Variants in ERAP2 observed in about 807,000 individuals in gnomAD.
The protein encoded by ERAP2 is leukocyte-derived arginine aminopeptidase.
ERAP2 carries 118 observed loss-of-function variants against 111.1 expected under a neutral mutation model. The observed-to-expected ratio is 1.06, with a 90% CI of 0.92 to 1.24. ERAP2 has a LOEUF of 1.24. Ranked by LOEUF, ERAP2 falls within the 50% of genes most tolerant of loss-of-function variation. The pLI is 0.00. For missense variants in ERAP2, 1,131 were observed against 1,125.8 expected, an observed-to-expected ratio of 1.00 and a Z score of -0.07; for synonymous variants, 410 against 401.2, an observed-to-expected ratio of 1.02 and a Z score of -0.26.
intron 16 of ERAP2, 121 bp downstream of exon 16, chr5:96,912,919 T>C: frequency 1.3e-6 from 1 of 746,436 alleles, no homozygotes; most frequent in Non-Finnish European, 2.1e-6. Context: ...GTGTATGGCT[T>C]TAACTTTACT....
Position 96,884,667 on chromosome 5 carries a change from C to G in ERAP2, c.714+737C>G, listed in dbSNP as rs191146628. Among the ~76,000 whole-genome samples the G allele has an allele frequency of 2.6e-4, 39 of 152,206 alleles. No individual in the cohort carries two copies. The East Asian group carries it at 6.8e-3, about 26-fold the overall frequency. On this transcript the variant is annotated intron_variant, in intron 3 of 18. Coordinates refer to ENST00000437043, the MANE Select transcript of ERAP2 (RefSeq NM_022350.5). ...CAGCCTCCTGGGTTCAAGCAATTCT[C>G]CTCCCTCAGCCTCCCAAGTAGCTGG...
Position 96,911,858 on chromosome 5 carries a change from C to A in ERAP2, c.2355-779C>A, listed in dbSNP as rs528444268. Reference sequence around the variant, plus strand: ...CTCCAACCTGAACAACAGAGTAAGACCCTGTCTCAAAAAAAAAAAAAAAGA... The same window carrying A: ...CTCCAACCTGAACAACAGAGTAAGAACCTGTCTCAAAAAAAAAAAAAAAGA... On this transcript the variant is annotated intron_variant, in intron 15 of 18. Transcript: ENST00000437043. Among the ~76,000 whole-genome samples, 3 of 44,114 alleles carry A rather than the reference C, an allele frequency of 6.8e-5. No individual in the cohort carries two copies. In the East Asian group the frequency reaches 2.2e-3, roughly 32 times the overall value. The allele number at this position is 44,114 out of a possible 152,430, so 28.9% of individuals were successfully genotyped here. A position where few individuals can be genotyped will look rare whatever the true frequency, so the allele number is the denominator to read the frequency against.
At chr5:96,884,627 G>A (rs569716943) in intron 3 of ERAP2, among the ~76,000 whole-genome samples, 3 of 152,128 alleles carry the variant, frequency 2.0e-5, no homozygotes, top group East Asian at 1.9e-4. Context: ...GCGTGATCTC[G>A]GTTCACTACA....
At position 96,918,704 on chromosome 5, in the gene ERAP2, C is replaced by T. The variant is rs148644663; in HGVS notation, c.*1099C>T. The T allele has an allele frequency of 4.2e-4, 64 of 152,248 alleles. No homozygotes were observed. Among genetic ancestry groups the T allele is most frequent in the African/African-American group, 1.3e-3 (52 of 41,546 alleles). 9.4% of individuals were successfully genotyped at this position (152,248 alleles called of 1,614,324 possible). A position where few individuals can be genotyped will look rare whatever the true frequency, so the allele number is the denominator to read the frequency against. ...CCAAATGAAGTCGAATCTGCCCTCACAGAGACACAAGAAAGGAATATAATT... is the reference window on the plus strand; with the variant it reads ...CCAAATGAAGTCGAATCTGCCCTCATAGAGACACAAGAAAGGAATATAATT... On this transcript the variant is annotated 3_prime_UTR_variant, in exon 19 of 19. Transcript: ENST00000437043.
At chr5:96,902,827 G>C (rs922372005) in intron 12 of ERAP2, 2 of 155,066 alleles carry the variant, frequency 1.3e-5, no homozygotes, top group African/African-American at 4.8e-5. Flanking sequence ...CAGAGTTGTT[G>C]AGAGAATATT....
chr5:96,884,291 A>G (rs1206129529), intron 3 of ERAP2, among the ~76,000 whole-genome samples: 1 of 152,202 alleles, frequency 6.6e-6, no homozygotes, highest in East Asian at 1.9e-4. Context: ...ATGGTCTGAG[A>G]ATCTTGCTAA....
intron 2 of ERAP2, among the ~76,000 whole-genome samples, chr5:96,882,843 TC>T (rs1215865758): frequency 6.6e-6 from 1 of 152,210 alleles, no homozygotes; most frequent in Non-Finnish European, 1.5e-5. Flanking sequence ...TGACAGCTTC[TC>T]TTTTTTCCCT....
rs964548900 is a variant in ERAP2, at chr5:96,880,177, G to A, written c.492G>A (p.Val164=). 6.2e-7 allele frequency: 1 copy of A among 1,613,950 alleles called. No homozygotes were observed. Among genetic ancestry groups the A allele is most frequent in the African/African-American group, 1.3e-5 (1 of 74,918 alleles). Residue 164 remains valine (V), a synonymous_variant, in exon 2 of 19, where the codon GTG becomes GTA. Coordinates refer to ENST00000437043, the MANE Select transcript of ERAP2 (RefSeq NM_022350.5). Reference sequence around the variant, plus strand: ...TTACGCCTCACCTGAAATACTATGTGGCTATGGACTTCCAAGCCAAGTTAG... The same window carrying A: ...TTACGCCTCACCTGAAATACTATGTAGCTATGGACTTCCAAGCCAAGTTAG... ...EKLTPHLKYY[V]AMDFQAKLGD...
intron 9 of ERAP2, among the ~76,000 whole-genome samples, chr5:96,899,398 A>G (rs1448649567): frequency 6.6e-6 from 1 of 152,202 alleles, no homozygotes; most frequent in African/African-American, 2.4e-5. Flanking sequence ...CTTGCCCACC[A>G]TTGTGTCACA....
intron 4 of ERAP2, among the ~76,000 whole-genome samples, chr5:96,888,081 C>T (rs576467287): frequency 6.7e-6 from 1 of 148,480 alleles, no homozygotes; most frequent in African/African-American, 2.5e-5. Context: ...ACTGACATTG[C>T]ACCAGGCACT....
At chr5:96,915,598 A>G (rs1787292477) in intron 17 of ERAP2, 90 bp from the exon 18 acceptor site, 1 of 625,504 alleles carries the variant, frequency 1.6e-6, no homozygotes, top group Non-Finnish European at 2.5e-6. Context: ...TCACATAGTT[A>G]TTAATATACA....
intron 15 of ERAP2, 43 bp from the exon 16 acceptor site, chr5:96,912,594 C>A (rs1426502406): frequency 1.3e-6 from 2 of 1,542,458 alleles, no homozygotes; most frequent in South Asian, 1.2e-5. Flanking sequence ...AAAAGTTTTT[C>A]TTTCATAAAA....
rs773943435 is a variant in ERAP2 at position 96,902,316 on chromosome 5, T to C, written c.1791T>C (p.Ser597=). The C allele has an allele frequency of 6.2e-7, 1 of 1,612,574 alleles. No individual in the cohort carries two copies. The highest frequency in any genetic ancestry group is 1.1e-5 in the South Asian group (1 of 91,038). ...CATTGACCTACTCCACGAGTTCTTC[T>C]AATGTGATCCACAGACACATTCTAA... The part of the protein sequence containing the change: ...HIPLTYSTSS[S]NVIHRHILKS... Residue 597 remains serine (S), a synonymous_variant, in exon 12 of 19, where the codon TCT becomes TCC. Coordinates refer to ENST00000437043, the MANE Select transcript of ERAP2 (RefSeq NM_022350.5).
chr5:96,887,898 G>A (rs898150943), intron 4 of ERAP2, among the ~76,000 whole-genome samples: 1 of 152,160 alleles, frequency 6.6e-6, no homozygotes, highest in Non-Finnish European at 1.5e-5. Flanking sequence ...GGCGGAGGCT[G>A]GCAGATCGCC....
chr5:96,880,945 C>T (rs1440537076), intron 2 of ERAP2: 2 of 156,854 alleles, frequency 1.3e-5, no homozygotes, highest in Non-Finnish European at 2.8e-5. Flanking sequence ...ATTCAGTTGA[C>T]TGGGCAGGGA....
rs1561354878 is a variant in ERAP2, at chr5:96,879,621, T to A, written c.-65T>A. Reference sequence around the variant, plus strand: ...CCCCATGTGACATAACTGGAGCCAGTGCAGTGCCATGAAGAACTACGAGAT... The same window carrying A: ...CCCCATGTGACATAACTGGAGCCAGAGCAGTGCCATGAAGAACTACGAGAT... On this transcript the variant is annotated 5_prime_UTR_variant, in exon 2 of 19. Transcript: ENST00000437043. 2 of 1,335,254 alleles carry A rather than the reference T, an allele frequency of 1.5e-6. No homozygotes were observed. The highest frequency in any genetic ancestry group is 2.1e-6 in the Non-Finnish European group (2 of 939,006). 82.7% of individuals were successfully genotyped at this position (1,335,254 alleles called of 1,614,324 possible).
intron 6 of ERAP2, among the ~76,000 whole-genome samples, chr5:96,894,271 G>T (rs1028860331): frequency 6.6e-6 from 1 of 152,092 alleles, no homozygotes; most frequent in Non-Finnish European, 1.5e-5. Flanking sequence ...TATATTCACC[G>T]GTTTTCAAAT....
intron 2 of ERAP2, among the ~76,000 whole-genome samples, chr5:96,880,610 A>G (rs1783024256): frequency 6.6e-6 from 1 of 152,266 alleles, no homozygotes; most frequent in African/African-American, 2.4e-5. Flanking sequence ...CCAGAAGGAA[A>G]TGTAAGTGAG....
At chr5:96,885,879 T>C (rs1397726687) in intron 3 of ERAP2, among the ~76,000 whole-genome samples, 3 of 152,252 alleles carry the variant, frequency 2.0e-5, no homozygotes, top group African/African-American at 7.2e-5. Flanking sequence ...TCTTGATAGA[T>C]GCAGCTGACG....
Sources: gnomAD v4.1 joint callset for allele counts (sites outside exome capture counted in the v4.1 genomes callset) on GRCh38, gnomAD v4.1.1 for gene constraint, MANE v1.5 for transcripts, NCBI Gene and HGNC (gene_info 2026-07-23, HGNC 2026-07-21) for gene names.